MTUS2: variants seen among roughly 807,000 people sequenced by gnomAD.
The protein encoded by MTUS2 is microtubule-associated tumor suppressor candidate 2.
A neutral mutation model predicts 114.1 loss-of-function variants in MTUS2; 40 were observed. That is an observed-to-expected ratio of 0.35 (90% confidence interval 0.27 to 0.46). MTUS2 has a LOEUF of 0.46. MTUS2 is among the 20% of genes least tolerant of loss of function. The pLI, the probability that MTUS2 is intolerant of heterozygous loss-of-function variation, is 1.00. For missense variants in MTUS2, 1,679 were observed against 1,705.4 expected, an observed-to-expected ratio of 0.98 and a Z score of 0.27; for synonymous variants, 688 against 672.0, an observed-to-expected ratio of 1.02 and a Z score of -0.37.
At chr13:28,957,950 T>C (rs1351346636) in intron 2 of MTUS2, among the ~76,000 whole-genome samples, 1 of 152,212 alleles carries the variant, frequency 6.6e-6, no homozygotes, top group Non-Finnish European at 1.5e-5. Context: ...GTGACAAAAC[T>C]GTAAGGTGGA....
At chr13:29,142,429 C>T (rs540114955) in intron 5 of MTUS2, among the ~76,000 whole-genome samples, 17 of 152,216 alleles carry the variant, frequency 1.1e-4, no homozygotes, top group African/African-American at 3.1e-4. Context: ...TGAGACTGGG[C>T]GTGGTGGCTC....
intron 2 of MTUS2, among the ~76,000 whole-genome samples, chr13:28,864,133 A>T (rs1307311385): frequency 6.6e-6 from 1 of 152,148 alleles, no homozygotes; most frequent in Non-Finnish European, 1.5e-5. Context: ...CCCTTTGCCT[A>T]CTTGAAAATC....
chr13:29,057,975 T>C (rs1399481680), intron 4 of MTUS2, among the ~76,000 whole-genome samples: 1 of 152,104 alleles, frequency 6.6e-6, no homozygotes, highest in Admixed American at 6.6e-5. Context: ...AAGGACCTCT[T>C]ATCTAGTGGT....
intron 2 of MTUS2, among the ~76,000 whole-genome samples, chr13:28,938,728 G>C (rs1334803524): frequency 6.6e-6 from 1 of 152,108 alleles, no homozygotes; most frequent in Non-Finnish European, 1.5e-5. Context: ...AAGGACAAAT[G>C]TTTTACTTTA....
chr13:29,025,581 A>T lies in MTUS2; in HGVS notation c.883A>T (p.Ser295Cys). The T allele has an allele frequency of 6.2e-7, 1 of 1,614,038 alleles. No individual in the cohort carries two copies. The highest frequency in any genetic ancestry group is 8.5e-7 in the Non-Finnish European group (1 of 1,179,894). The change falls in exon 3 of 16, where the codon AGT becomes TGT. Residue 295 changes from serine to cysteine, a missense_variant. By Grantham distance (112) the Ser-to-Cys change is moderately radical. Coordinates refer to ENST00000612955, the MANE Select transcript of MTUS2 (RefSeq NM_001033602.4). ...GACTTTGGCATCGAAGGAAATCCCAAGTAAACTGGAAGCACAATTAGGTCA... is the reference window on the plus strand; with the variant it reads ...GACTTTGGCATCGAAGGAAATCCCATGTAAACTGGAAGCACAATTAGGTCA... ...NLTLASKEIP[S>C]KLEAQLGQGK...
intron 2 of MTUS2, among the ~76,000 whole-genome samples, chr13:28,981,323 T>C (rs1447512540): frequency 6.6e-6 from 1 of 152,230 alleles, no homozygotes; most frequent in African/African-American, 2.4e-5. Context: ...TATTGTATGA[T>C]TTTATTCATA....
chr13:29,019,846 A>T (rs890083999), intron 2 of MTUS2, among the ~76,000 whole-genome samples: 5 of 152,256 alleles, frequency 3.3e-5, no homozygotes, highest in Non-Finnish European at 7.3e-5. Context: ...TACACGGTGT[A>T]CTTAGAGGAA....
At chr13:29,022,529 G>C (rs1432090936) in intron 2 of MTUS2, among the ~76,000 whole-genome samples, 1 of 152,190 alleles carries the variant, frequency 6.6e-6, no homozygotes, top group Non-Finnish European at 1.5e-5. Context: ...ATATTAACAG[G>C]GATAAAGGGA....
At chr13:29,262,346 A>G (rs1052899900) in intron 5 of MTUS2, among the ~76,000 whole-genome samples, 5 of 152,120 alleles carry the variant, frequency 3.3e-5, no homozygotes, top group African/African-American at 4.8e-5. Flanking sequence ...TCTCTTTTAC[A>G]TTTGTGTCCC....
At chr13:29,327,950 T>C (rs1390509774) in intron 7 of MTUS2, among the ~76,000 whole-genome samples, 1 of 152,200 alleles carries the variant, frequency 6.6e-6, no homozygotes, top group African/African-American at 2.4e-5. Flanking sequence ...TGATACCTCA[T>C]TGTGGTTTTA....
chr13:29,169,660 GTCC>G (rs1179692926), intron 5 of MTUS2, among the ~76,000 whole-genome samples: 2 of 152,136 alleles, frequency 1.3e-5, no homozygotes, highest in African/African-American at 4.8e-5. Flanking sequence ...TTTAGAGATA[GTCC>G]TCCTCTTATC....
intron 5 of MTUS2, among the ~76,000 whole-genome samples, chr13:29,250,018 G>A (rs1207474769): frequency 6.6e-6 from 1 of 152,112 alleles, no homozygotes; most frequent in East Asian, 1.9e-4. Flanking sequence ...AGCTAAAATC[G>A]ACAAATGAGA....
chr13:29,422,930 C>T (rs1566191773), intron 8 of MTUS2, among the ~76,000 whole-genome samples: 1 of 152,124 alleles, frequency 6.6e-6, no homozygotes, highest in South Asian at 2.1e-4. Flanking sequence ...ACGCCCAGCC[C>T]ATGGTTTCTT....
chr13:29,218,582 A>G (rs1421861154), intron 5 of MTUS2, among the ~76,000 whole-genome samples: 1 of 152,244 alleles, frequency 6.6e-6, no homozygotes, highest in Non-Finnish European at 1.5e-5. Flanking sequence ...TGTATTTCTT[A>G]AGTAATAAGG....
At chr13:29,409,539 G>T (rs1875056972) in intron 8 of MTUS2, among the ~76,000 whole-genome samples, 1 of 152,070 alleles carries the variant, frequency 6.6e-6, no homozygotes, top group African/African-American at 2.4e-5. Context: ...TGATTTTAAT[G>T]ATTAGTTTGA....
At chr13:29,048,250 C>T (rs1428809321) in intron 4 of MTUS2, among the ~76,000 whole-genome samples, 2 of 152,122 alleles carry the variant, frequency 1.3e-5, no homozygotes, top group African/African-American at 2.4e-5. Context: ...TCTTACTTGA[C>T]ATGTTAAGTT....
chr13:29,344,668 T>G (rs1205203581), intron 7 of MTUS2, among the ~76,000 whole-genome samples: 1 of 152,184 alleles, frequency 6.6e-6, no homozygotes, highest in East Asian at 1.9e-4. Flanking sequence ...AATATTGAGG[T>G]GTGAGGTACT....
intron 5 of MTUS2, among the ~76,000 whole-genome samples, chr13:29,253,852 A>C (rs1209760257): frequency 6.6e-6 from 1 of 152,150 alleles, no homozygotes; most frequent in Non-Finnish European, 1.5e-5. Context: ...GAGCTTGTGC[A>C]GGGGAGCTCC....
At chr13:28,845,862 G>T (rs2793653) in intron 2 of MTUS2, among the ~76,000 whole-genome samples, 104,497 of 151,340 alleles carry the variant, frequency 0.69, 37,675 homozygotes, top group Non-Finnish European at 0.79. Flanking sequence ...CTGGCTTGCA[G>T]CTCTGTAAGG....
Sources: gnomAD v4.1 joint callset for allele counts (sites outside exome capture counted in the v4.1 genomes callset) on GRCh38, gnomAD v4.1.1 for gene constraint, MANE v1.5 for transcripts, NCBI Gene and HGNC (gene_info 2026-07-23, HGNC 2026-07-21) for gene names.